ARHGEF1: variants seen among roughly 807,000 people sequenced by gnomAD.
The protein encoded by ARHGEF1 is Rho guanine nucleotide exchange factor 1.
In ARHGEF1, 40 loss-of-function variants were observed where a neutral mutation model predicts 119.7. The observed-to-expected ratio is 0.33, with a 90% CI of 0.26 to 0.44. The LOEUF is 0.44. ARHGEF1 is among the 20% of genes least tolerant of loss of function. ARHGEF1 has a pLI of 1.00. For missense variants in ARHGEF1, 976 were observed against 1,268.3 expected, an observed-to-expected ratio of 0.77 and a Z score of 3.50; for synonymous variants, 494 against 521.0, an observed-to-expected ratio of 0.95 and a Z score of 0.71.
chr19:41,914,632 TCTGTCTCTCCCTCCCTTTCCA>T (rs2074780099), intron 18 of ARHGEF1, among the ~76,000 whole-genome samples: 1 of 45,282 alleles, frequency 2.2e-5, no homozygotes, highest in Admixed American at 1.9e-4. Context: ...CATCTCTGTC[TCTGTCTCTCCCTCCCTTTCCA>T]CCATCTCTGT....
In ARHGEF1 at chr19:41,904,268, C is replaced by A. The variant is rs782511246; in HGVS notation, c.2046C>A (p.Asp682Glu). Residue 682 changes from aspartate (D) to glutamate (E), a missense_variant, in exon 22 of 29, where the codon GAC becomes GAA. Around this residue, in one of 3 missense-constraint regions of ARHGEF1, gnomAD observed 286 missense variants for 506.8 expected, o/e 0.56. Transcript: ENST00000354532. This position sits in a 1 kb window ranked among gnomAD's most constrained non-coding sequence, Gnocchi z 8.4. ...TGCTGCTGCTGCTCCAGCGCCAGGACGAGCGGCTGCTGCTCAAGTCCCATA... is the reference window on the plus strand; with the variant it reads ...TGCTGCTGCTGCTCCAGCGCCAGGAAGAGCGGCTGCTGCTCAAGTCCCATA... ...DDLLLLLQRQ[D>E]ERLLLKSHSR... is the part of the protein sequence containing the mutation. The A allele has an allele frequency of 1.7e-5, 28 of 1,612,674 alleles. No homozygotes were observed. Among genetic ancestry groups the A allele is most frequent in the Non-Finnish European group, 2.0e-5 (24 of 1,179,810 alleles).
rs1015623495 is a variant in ARHGEF1 at position 41,906,986 on chromosome 19, C to T, written c.*18-119C>T. ...TAATCTGTTTCTCTGTCTCTGTGCC[C>T]GCCTGCCTCTCCCCACCTCCCCTTC... On this transcript the variant is annotated intron_variant, in intron 28 of 28. Transcript: ENST00000354532. The surrounding 1 kb of genome is among the most constrained non-coding windows in gnomAD (Gnocchi z 4.5). 4.6e-5 allele frequency: 49 copies of T among 1,059,222 alleles called. No homozygotes were observed. Among genetic ancestry groups the T allele is most frequent in the East Asian group, 4.0e-4 (15 of 37,106 alleles). 65.6% of individuals were successfully genotyped at this position (1,059,222 alleles called of 1,614,324 possible). A position where few individuals can be genotyped will look rare whatever the true frequency, so the allele number is the denominator to read the frequency against.
In ARHGEF1 at chr19:41,904,087, G is replaced by A. The variant is rs1555849606; in HGVS notation, c.1970G>A (p.Arg657Gln). Residue 657 changes from arginine (R) to glutamine (Q), a missense_variant, in exon 21 of 29, where the codon CGG (arginine) becomes CAG (glutamine). Physicochemically the swap from Arg to Gln is conservative, Grantham distance 43 (BLOSUM62 1). This residue lies in a region of ARHGEF1 where 286 missense variants were observed against 506.8 expected (regional missense o/e 0.56). Coordinates refer to ENST00000354532, the MANE Select transcript of ARHGEF1 (RefSeq NM_004706.4). This position sits in a 1 kb window ranked among gnomAD's most constrained non-coding sequence, Gnocchi z 8.4. ...KLVHEGPLTW[R>Q]VTKDKAVEVH... ...GTCCACGAGGGCCCACTGACGTGGC[G>A]GGTGACTAAGGACAAGGCAGTGGGT... The A allele has an allele frequency of 1.2e-6, 2 of 1,614,078 alleles. No individual in the cohort carries two copies. The highest frequency in any genetic ancestry group is 1.3e-5 in the African/African-American group (1 of 74,926).
rs1555847319 is a variant in ARHGEF1, at chr19:41,895,353, G to T, written c.882G>T (p.Glu294Asp). Residue 294 changes from glutamate (E) to aspartate (D), a missense_variant, in exon 12 of 29, where the codon GAG (glutamate) becomes GAT (aspartate). Physicochemically the swap from Glu to Asp is conservative, Grantham distance 45. Coordinates refer to ENST00000354532, the MANE Select transcript of ARHGEF1 (RefSeq NM_004706.4). ...FRHLKAEVDAEKPGATDRKGG... is the reference protein window; with the variant it reads ...FRHLKAEVDADKPGATDRKGG... ...TCTCCCTCACTGTCTCCCCAGCCGAGAAGCCAGGTGCTACAGACCGGAAGG... is the reference window on the plus strand; with the variant it reads ...TCTCCCTCACTGTCTCCCCAGCCGATAAGCCAGGTGCTACAGACCGGAAGG... 1 of 1,606,674 alleles carries T rather than the reference G, an allele frequency of 6.2e-7. No individual in the cohort carries two copies.
chr19:41,926,581 G>T (rs1555853289), intron 1 of ARHGEF1, among the ~76,000 whole-genome samples: 1 of 152,148 alleles, frequency 6.6e-6, no homozygotes, highest in East Asian at 1.9e-4. Flanking sequence ...TCCCTCCCGT[G>T]GCTCTGGCCC....
chr19:41,895,534 T>G lies in ARHGEF1; in HGVS notation c.1015+48T>G, dbSNP rs1027930814. On this transcript the variant is annotated intron_variant, in intron 12 of 28. Transcript: ENST00000354532. ...CTCCATGAGGCCCGGCGATCCAGGG[T>G]GGGGGTGCTGCCTGCCCCCTTGGCA... 6.5e-6 allele frequency: 10 copies of G among 1,539,046 alleles called. No homozygotes were observed. In the African/African-American group the frequency reaches 1.2e-4, roughly 19 times the overall value.
In ARHGEF1 at chr19:41,889,700, A is replaced by C. The variant is rs1413442059; in HGVS notation, c.225+835A>C. The C allele has an allele frequency of 6.6e-6, 1 of 152,294 alleles. No homozygotes were observed. Among genetic ancestry groups the C allele is most frequent in the African/African-American group, 2.4e-5 (1 of 41,470 alleles). 9.4% of individuals were successfully genotyped at this position (152,294 alleles called of 1,614,324 possible). A position where few individuals can be genotyped will look rare whatever the true frequency, so the allele number is the denominator to read the frequency against. On this transcript the variant is annotated intron_variant, in intron 4 of 28. Transcript: ENST00000354532. The surrounding 1 kb of genome is among the most constrained non-coding windows in gnomAD (Gnocchi z 4.0). ...TAGAGTGGGGAGAAGTGCCCGAGGC[A>C]TGCAGAAAGAAGAACATGTCAGCTG...
chr19:41,920,132 CG>C (rs2074831616), upstream of ARHGEF1, among the ~76,000 whole-genome samples: 1 of 111,742 alleles, frequency 8.9e-6, no homozygotes, highest in African/African-American at 3.6e-5. Flanking sequence ...CTCACACATG[CG>C]CTCACAGACA....
At position 41,892,226 on chromosome 19, in the gene ARHGEF1, G is replaced by A. The variant is rs1568811688; in HGVS notation, c.324+103G>A. The A allele has an allele frequency of 8.9e-6, 14 of 1,568,000 alleles. No individual in the cohort carries two copies. In the East Asian group the frequency reaches 9.0e-5, roughly 10 times the overall value. ...GCCCTGAGGGCAGCTGCTGACCCAG[G>A]CCTTCCCCAGCACCCTCGCTTAGAC... On this transcript the variant is annotated intron_variant, in intron 5 of 28. Coordinates refer to ENST00000354532, the MANE Select transcript of ARHGEF1 (RefSeq NM_004706.4). This position sits in a 1 kb window ranked among gnomAD's most constrained non-coding sequence, Gnocchi z 6.3.
intron 13 of ARHGEF1, chr19:41,897,707 C>T: frequency 2.2e-6 from 1 of 449,044 alleles, no homozygotes; most frequent in Admixed American, 3.9e-5. Flanking sequence ...TCACCCTTGC[C>T]CCGGTCCTGG....
Position 41,895,337 on chromosome 19 carries a change from C to CT in ARHGEF1, c.878-11dup, listed in dbSNP as rs781883002. On this transcript the variant is annotated splice_polypyrimidine_tract_variant and intron_variant, in intron 11 of 28. Coordinates refer to ENST00000354532, the MANE Select transcript of ARHGEF1 (RefSeq NM_004706.4). ...CTCTTATCTCCCTCTTTCTCCCTCA[C>CT]TGTCTCCCCAGCCGAGAAGCCAGGT... The CT allele has an allele frequency of 6.3e-7, 1 of 1,598,312 alleles. No homozygotes were observed.
Position 41,894,737 on chromosome 19 carries a change from A to T in ARHGEF1, c.877+76A>T, listed in dbSNP as rs1190759822. 4 of 1,343,742 alleles carry T rather than the reference A, an allele frequency of 3.0e-6. No homozygotes were observed. The East Asian group carries it at 1.7e-4, about 56-fold the overall frequency. 83.2% of individuals were successfully genotyped at this position (1,343,742 alleles called of 1,614,324 possible). On this transcript the variant is annotated intron_variant, in intron 11 of 28. Transcript: ENST00000354532. ...GCTAGGACCTGGACGCCTGGGTCTG[A>T]GGGAGGAGGGGCTGGGACCTGGACG...
chr19:41,893,826 C>T lies in ARHGEF1; in HGVS notation c.645-381C>T, dbSNP rs186913933. Among the ~76,000 whole-genome samples, 17 of 75,004 alleles carry T rather than the reference C, an allele frequency of 2.3e-4. No homozygotes were observed. In the South Asian group the frequency reaches 4.6e-3, roughly 20 times the overall value. The allele number at this position is 75,004 out of a possible 152,430, so 49.2% of individuals were successfully genotyped here. A position where few individuals can be genotyped will look rare whatever the true frequency, so the allele number is the denominator to read the frequency against. ...GTCTGAGGGAGGAGGGGGCTGGGGG[C>T]CTGGACTCCTGGGTCTGAGGGAGGA... On this transcript the variant is annotated intron_variant, in intron 8 of 28. Coordinates refer to ENST00000354532, the MANE Select transcript of ARHGEF1 (RefSeq NM_004706.4).
downstream of ARHGEF1, chr19:41,909,828 G>A: frequency 6.4e-7 from 1 of 1,555,852 alleles, no homozygotes; most frequent in Non-Finnish European, 8.7e-7. The surrounding 1 kb of genome is among the most constrained non-coding windows in gnomAD (Gnocchi z 5.2). Flanking sequence ...GGGGGAAAAG[G>A]ACAAGGTGGG....
At chr19:41,920,174 T>G (rs1555852340), upstream of ARHGEF1, among the ~76,000 whole-genome samples, 1 of 102,100 alleles carries the variant, frequency 9.8e-6, no homozygotes, top group Admixed American at 1.3e-4. Flanking sequence ...CACTCAGACA[T>G]GACACGCTCA....
chr19:41,915,992 T>A (rs1273815069), intron 18 of ARHGEF1, among the ~76,000 whole-genome samples: 1 of 151,902 alleles, frequency 6.6e-6, no homozygotes, highest in African/African-American at 2.4e-5. Context: ...AGCTTTAATT[T>A]TTAATTTTAT....
At chr19:41,914,895 T>TGTCTCTGTCTATCCCTCCCCTTCCACC (rs1184317997) in intron 18 of ARHGEF1, among the ~76,000 whole-genome samples, 14 of 14,932 alleles carry the variant, frequency 9.4e-4, no homozygotes, top group South Asian at 4.3e-3. Context: ...CCATCATCTC[T>TGTCTCTGTCTATCCCTCCCCTTCCACC]GTCTCTGTCT....
intron 1 of ARHGEF1, chr19:41,884,635 C>T (rs2074266190): frequency 8.8e-7 from 1 of 1,139,282 alleles, no homozygotes; most frequent in Admixed American, 2.2e-5. Flanking sequence ...ATTTGGGTCT[C>T]GTGTAGACCC....
At chr19:41,898,258 G>A (rs1258743469) in intron 13 of ARHGEF1, 184 bp from the exon 14 acceptor site, 3 of 1,299,432 alleles carry the variant, frequency 2.3e-6, no homozygotes, top group Admixed American at 5.6e-5. Context: ...GGAGGAGGGG[G>A]TAGAATGCTT....
Sources: gnomAD v4.1 joint callset for allele counts (sites outside exome capture counted in the v4.1 genomes callset) on GRCh38, gnomAD v4.1.1 for gene constraint, gnomAD v4.1.1 regional missense constraint, Gnocchi (gnomAD v3.1) non-coding constraint, MANE v1.5 for transcripts, NCBI Gene and HGNC (gene_info 2026-07-23, HGNC 2026-07-21) for gene names.